GRIP1: variants seen among roughly 807,000 people sequenced by gnomAD.
GRIP1 encodes the protein glutamate receptor-interacting protein 1.
In GRIP1, 45 loss-of-function variants were observed where a neutral mutation model predicts 129.9. That is an observed-to-expected ratio of 0.35 (90% confidence interval 0.27 to 0.44). The LOEUF is 0.44. GRIP1 is among the 20% of genes least tolerant of loss of function. The pLI is 1.00. For synonymous variants in GRIP1, 530 were observed against 520.8 expected, an observed-to-expected ratio of 1.02 and a Z score of -0.24; for missense variants, 1,196 against 1,396.8, an observed-to-expected ratio of 0.86 and a Z score of 2.29.
intron 1 of GRIP1, among the ~76,000 whole-genome samples, chr12:66,952,437 T>A (rs1056827041): frequency 1.3e-5 from 2 of 152,188 alleles, no homozygotes; most frequent in South Asian, 2.1e-4. Flanking sequence ...GTCAAGAGTT[T>A]TAAAACTTGA....
chr12:66,541,807 G>A lies in GRIP1; in HGVS notation c.272+8C>T. The A allele has an allele frequency of 6.2e-7, 1 of 1,613,610 alleles. No homozygotes were observed. The highest frequency in any genetic ancestry group is 1.3e-5 in the African/African-American group (1 of 75,022). On this transcript the variant is annotated splice_region_variant and intron_variant, in intron 3 of 24. Transcript: ENST00000359742. Reference sequence around the variant, plus strand: ...TCCTTTCAGTAGATTTCCCCAAGAGGCAGTTACCTAGCAGCAATTCCTCCT... The same window carrying A: ...TCCTTTCAGTAGATTTCCCCAAGAGACAGTTACCTAGCAGCAATTCCTCCT...
intron 7 of GRIP1, among the ~76,000 whole-genome samples, chr12:66,470,603 C>T (rs1008049427): frequency 6.6e-6 from 1 of 152,136 alleles, no homozygotes; most frequent in African/African-American, 2.4e-5. Flanking sequence ...GAGAATCTAC[C>T]AGACCTGCTC....
At chr12:66,746,449 G>A (rs1431679092) in intron 1 of GRIP1, among the ~76,000 whole-genome samples, 1 of 152,190 alleles carries the variant, frequency 6.6e-6, no homozygotes, top group Non-Finnish European at 1.5e-5. Flanking sequence ...TTCATTAAGA[G>A]CCCTATATGA....
At chr12:66,720,035 A>T (rs1457168402) in intron 1 of GRIP1, among the ~76,000 whole-genome samples, 1 of 152,206 alleles carries the variant, frequency 6.6e-6, no homozygotes, top group Non-Finnish European at 1.5e-5. Context: ...TAAACAAATT[A>T]AGATTAATTT....
chr12:66,983,089 T>A (rs190442666), intron 1 of GRIP1, among the ~76,000 whole-genome samples: 31 of 152,262 alleles, frequency 2.0e-4, no homozygotes, highest in Non-Finnish European at 1.5e-5. Context: ...TCATCTTATA[T>A]CCATGAGCAC....
chr12:66,393,169 ATTTTTTT>A lies in GRIP1; in HGVS notation c.2130-360_2130-354del, dbSNP rs60982107. On this transcript the variant is annotated intron_variant, in intron 17 of 24. Transcript: ENST00000359742. ...CATGGAGCATCCTTTCTTTCTACAGATTTTTTTTTTTTTTTTTTTTTTTTTTTGAGAC... is the reference window on the plus strand; with the variant it reads ...CATGGAGCATCCTTTCTTTCTACAGATTTTTTTTTTTTTTTTTTTTGAGAC... Among the ~76,000 whole-genome samples, 589 of 78,876 alleles carry A rather than the reference ATTTTTTT, an allele frequency of 7.5e-3. 6 individuals are homozygous for A. Among genetic ancestry groups the A allele is most frequent in the African/African-American group, 0.031 (566 of 18,508 alleles). The allele number at this position is 78,876 out of a possible 152,430, so 51.7% of individuals were successfully genotyped here. A position where few individuals can be genotyped will look rare whatever the true frequency, so the allele number is the denominator to read the frequency against.
chr12:66,446,673 G>A (rs1213775758), intron 11 of GRIP1, among the ~76,000 whole-genome samples: 1 of 151,980 alleles, frequency 6.6e-6, no homozygotes, highest in Non-Finnish European at 1.5e-5. Flanking sequence ...CTCTTAGTCT[G>A]CCTCCTCTAA....
At chr12:66,808,376 C>T (rs945875539), upstream of GRIP1, among the ~76,000 whole-genome samples, 6 of 152,130 alleles carry the variant, frequency 3.9e-5, no homozygotes, top group African/African-American at 1.4e-4. Flanking sequence ...CGGCTCACTG[C>T]AACCTCTTCC....
At chr12:66,866,926 T>G (rs1416527025) in intron 1 of GRIP1, among the ~76,000 whole-genome samples, 1 of 152,200 alleles carries the variant, frequency 6.6e-6, no homozygotes. Context: ...ACAGTAAGTA[T>G]ACACAATTTT....
At position 67,011,168 on chromosome 12, in the gene GRIP1, T is replaced by TCAC. The variant is rs556858565; in HGVS notation, c.58+57879_58+57881dup. 6.0e-4 allele frequency among the ~76,000 whole-genome samples: 92 copies of TCAC among 152,242 alleles called. 1 individual carries two copies. In the South Asian group the frequency reaches 7.7e-3, roughly 13 times the overall value. The stretch of plus-strand genomic sequence containing the variant: ...ATCTCCAAAACTGAAATCATCATCA[T>TCAC]CACCTATGAATCCTGCTTCTCCTCC... On this transcript the variant is annotated intron_variant, in intron 1 of 1. Coordinates refer to the GRIP1 transcript ENST00000643019.
At chr12:66,572,674 G>A (rs531407632) in intron 2 of GRIP1, among the ~76,000 whole-genome samples, 1 of 152,126 alleles carries the variant, frequency 6.6e-6, no homozygotes, top group Admixed American at 6.5e-5. Context: ...CTGGCTCAAC[G>A]CCTATTTCCA....
chr12:66,771,280 C>G (rs1448117638), intron 1 of GRIP1, among the ~76,000 whole-genome samples: 2 of 152,094 alleles, frequency 1.3e-5, no homozygotes, highest in African/African-American at 4.8e-5. Flanking sequence ...TACTCTTATT[C>G]TCATTATTAC....
chr12:66,562,992 G>C (rs962242041), intron 2 of GRIP1, among the ~76,000 whole-genome samples: 1 of 151,462 alleles, frequency 6.6e-6, no homozygotes, highest in Admixed American at 6.6e-5. Flanking sequence ...TCTTCTTCAC[G>C]TTAGGTAGGC....
chr12:66,349,100 C>G lies in GRIP1; in HGVS notation c.3306G>C (p.Trp1102Cys). The change falls in exon 25 of 25, where the codon TGG (tryptophan) becomes TGC (cysteine). Residue 1102 changes from tryptophan to cysteine, a missense_variant. This residue lies in a region of GRIP1 where 427 missense variants were observed against 463.3 expected (regional missense o/e 0.92). Coordinates refer to ENST00000359742, the MANE Select transcript of GRIP1 (RefSeq NM_001366722.1). ...GGAAAAAAGCACTGTTCTGTTCACT[C>G]CAATCTCCTGGTAGACTCTGTTGGT... ...SIDQQSLPGD[W>C]SEQNSAFFQQ... 1.2e-6 allele frequency: 2 copies of G among 1,614,108 alleles called. 1 individual carries two copies. Among genetic ancestry groups the G allele is most frequent in the South Asian group, 2.2e-5 (2 of 91,078 alleles).
At chr12:66,358,515 C>A (rs139017274) in intron 23 of GRIP1, among the ~76,000 whole-genome samples, 1 of 152,114 alleles carries the variant, frequency 6.6e-6, no homozygotes, top group Non-Finnish European at 1.5e-5. Context: ...GGCGCGATCT[C>A]GGCTCACTGC....
intron 7 of GRIP1, among the ~76,000 whole-genome samples, chr12:66,487,908 C>T (rs1223553269): frequency 6.6e-6 from 1 of 152,142 alleles, no homozygotes; most frequent in East Asian, 1.9e-4. Context: ...GTAAAGGGTT[C>T]AATCCAACAA....
chr12:66,597,025 G>A, intron 1 of GRIP1, 98 bp from the exon 2 acceptor site: 1 of 843,308 alleles, frequency 1.2e-6, no homozygotes. Context: ...GAGAGAAGTG[G>A]TACAGTACAG....
intron 1 of GRIP1, among the ~76,000 whole-genome samples, chr12:66,654,936 A>T (rs2033050034): frequency 6.6e-6 from 1 of 152,188 alleles, no homozygotes. Flanking sequence ...TAAAGAAAAA[A>T]ATCTAATTTA....
chr12:66,963,551 T>C (rs1485703362), intron 1 of GRIP1, among the ~76,000 whole-genome samples: 1 of 152,204 alleles, frequency 6.6e-6, no homozygotes, highest in African/African-American at 2.4e-5. Context: ...CTGAACTACA[T>C]ATTTGTTTTA....
Sources: allele counts gnomAD v4.1 joint callset (sites outside exome capture counted in the v4.1 genomes callset), GRCh38; gene constraint gnomAD v4.1.1; regional missense constraint gnomAD v4.1.1; transcripts MANE v1.5; gene names NCBI Gene and HGNC (gene_info 2026-07-23, HGNC 2026-07-21).